Variants in SFMBT2 observed in about 807,000 individuals in gnomAD.
SFMBT2 encodes the protein scm-like with four MBT domains protein 2.
In SFMBT2, 38 loss-of-function variants were observed where a neutral mutation model predicts 110.1. The ratio of observed to expected loss-of-function variants is 0.35; its 90% CI spans 0.27 to 0.45. The LOEUF (loss-of-function observed/expected upper bound fraction) is 0.45. SFMBT2 is among the 20% of genes least tolerant of loss of function. The probability of loss-of-function intolerance (pLI) is 1.00; values close to 1 mark genes in which losing one functional copy is unlikely to be tolerated. For missense variants in SFMBT2, 1,011 were observed against 1,094.9 expected (o/e 0.92, Z 1.08); for synonymous variants, 425 against 425.4 (o/e 1.00, Z 0.01).
chr10:7,364,769 T>C (rs1370857889), intron 4 of SFMBT2, among the ~76,000 whole-genome samples: 2 of 152,248 alleles, frequency 1.3e-5, no homozygotes. Context: ...CTTCTCTTGA[T>C]GCCCCCAAGT....
intron 9 of SFMBT2, among the ~76,000 whole-genome samples, chr10:7,238,491 T>TA (rs1840330069): frequency 1.3e-5 from 2 of 152,188 alleles, no homozygotes; most frequent in African/African-American, 4.8e-5. Context: ...GAAACGTGAG[T>TA]GACAAAATGG....
In SFMBT2 at chr10:7,160,777, A is replaced by T. The variant is rs1346030728; in HGVS notation, c.*2993T>A. ...GGTGAGAGGTGAATCCTACAGAGAA[A>T]TGAAAACACATTACAATTCTGTACC... On this transcript the variant is annotated 3_prime_UTR_variant, in exon 21 of 21. Transcript: ENST00000397167. The T allele has an allele frequency of 6.6e-6, 1 of 152,222 alleles. No homozygotes were observed. The highest frequency in any genetic ancestry group is 1.5e-5 in the Non-Finnish European group (1 of 68,056). The allele number at this position is 152,222 out of a possible 1,614,324, so 9.4% of individuals were successfully genotyped here.
chr10:7,195,128 T>G (rs180762066), intron 15 of SFMBT2, among the ~76,000 whole-genome samples: 1 of 152,342 alleles, frequency 6.6e-6, no homozygotes, highest in East Asian at 1.9e-4. Context: ...ATTGCCCTAG[T>G]GGAAATCCAT....
rs970438841 is a variant in SFMBT2 at position 7,220,640 on chromosome 10, C to T, written c.1204-103G>A. The T allele has an allele frequency of 3.4e-6, 4 of 1,180,166 alleles. No homozygotes were observed. The African/African-American group carries it at 6.0e-5, about 18-fold the overall frequency. 73.1% of individuals were successfully genotyped at this position (1,180,166 alleles called of 1,614,324 possible). On this transcript the variant is annotated intron_variant, in intron 10 of 20. Transcript: ENST00000397167. ...AAATGCACGCACACGCATCTTACATCGACAAGACAGGCTCACGTATGTGTT... is the reference window on the plus strand; with the variant it reads ...AAATGCACGCACACGCATCTTACATTGACAAGACAGGCTCACGTATGTGTT...
At position 7,301,410 on chromosome 10, in the gene SFMBT2, C is replaced by A. The variant is rs2131881751; in HGVS notation, c.437-15456G>T. ...TCATCAAGTGAGGAATGAAGAAAGC[C>A]CGAACTCATGAGACAGCGGAGGAAA... On this transcript the variant is annotated intron_variant, in intron 4 of 20. Transcript: ENST00000397167. This position sits in a 1 kb window ranked among gnomAD's most constrained non-coding sequence, Gnocchi z 4.2. Among the ~76,000 whole-genome samples, 1 of 152,258 alleles carries A rather than the reference C, an allele frequency of 6.6e-6. No homozygotes were observed. The highest frequency in any genetic ancestry group is 6.5e-5 in the Admixed American group (1 of 15,282).
At chr10:7,251,338 G>A (rs1840803375) in intron 7 of SFMBT2, among the ~76,000 whole-genome samples, 1 of 152,118 alleles carries the variant, frequency 6.6e-6, no homozygotes, top group Admixed American at 6.5e-5. Context: ...GCTGAATGTG[G>A]TGGCAGAAGC....
rs1176613643 is a variant in SFMBT2, at chr10:7,285,890, T to C, written c.501A>G (p.Thr167=). Residue 167 remains threonine (T), a synonymous_variant, in exon 5 of 21, where the codon ACA becomes ACG. Transcript: ENST00000397167. ...CACCTTCCAGGAGGTTGGCGGGTGC[T>C]GTCCTCGAACCAGTCAAGTCACGTA... The part of the protein sequence containing the change: ...FLIRDLTGSR[T]APANLLEGPL... The C allele has an allele frequency of 1.1e-6, 1 of 872,720 alleles. No individual in the cohort carries two copies. Among genetic ancestry groups the C allele is most frequent in the Admixed American group, 1.7e-5 (1 of 59,200 alleles). 54.1% of individuals were successfully genotyped at this position (872,720 alleles called of 1,614,324 possible). A position where few individuals can be genotyped will look rare whatever the true frequency, so the allele number is the denominator to read the frequency against.
chr10:7,345,348 C>T (rs4748842), intron 4 of SFMBT2, among the ~76,000 whole-genome samples: 2,023 of 152,232 alleles, frequency 0.013, 15 homozygotes, highest in Middle Eastern at 0.024. Flanking sequence ...CTAATAACTA[C>T]AAAAATATTT....
rs142418359 is a variant in SFMBT2, at chr10:7,394,686, T to C, written c.-51-12737A>G. Reference sequence around the variant, plus strand: ...TCTATGTATTTATCACCAATTCAAATCCAAATTTTTCATAAACTGTCTAAA... The same window carrying C: ...TCTATGTATTTATCACCAATTCAAACCCAAATTTTTCATAAACTGTCTAAA... On this transcript the variant is annotated intron_variant, in intron 1 of 20. Coordinates refer to ENST00000397167, the MANE Select transcript of SFMBT2 (RefSeq NM_001387889.1). Among the ~76,000 whole-genome samples the C allele has an allele frequency of 2.1e-4, 32 of 152,168 alleles. No homozygotes were observed. In the East Asian group the frequency reaches 5.8e-3, roughly 28 times the overall value.
At chr10:7,184,204 G>C (rs1313151935) in intron 16 of SFMBT2, among the ~76,000 whole-genome samples, 1 of 152,148 alleles carries the variant, frequency 6.6e-6, no homozygotes, top group Non-Finnish European at 1.5e-5. Flanking sequence ...TGTTTTGGCT[G>C]TGTCCCCACC....
chr10:7,329,524 G>A lies in SFMBT2; in HGVS notation c.436+38125C>T, dbSNP rs150106654. 1.5e-3 allele frequency: 1,459 copies of A among 985,454 alleles called. 12 individuals carry two copies. The African/African-American group carries it at 0.022, about 15-fold the overall frequency. 61.0% of individuals were successfully genotyped at this position (985,454 alleles called of 1,614,324 possible). On this transcript the variant is annotated intron_variant, in intron 4 of 20. Transcript: ENST00000397167. ...GAGGGAGAGAGGAGGTGCTGCTGCT[G>A]CTGCAGGTACCTCTGCTGGGTCACA...
rs17333911 is a variant in SFMBT2, at chr10:7,255,252, T to C, written c.871-6603A>G. Among the ~76,000 whole-genome samples, 926 of 152,248 alleles carry C rather than the reference T, an allele frequency of 6.1e-3. 4 individuals carry two copies. Among genetic ancestry groups the C allele is most frequent in the Non-Finnish European group, 8.4e-3 (573 of 68,000 alleles). ...GCCAAACCGATTATGTACTAAGAGATAATGGAAAATTCACTGTCATTTGAA... is the reference window on the plus strand; with the variant it reads ...GCCAAACCGATTATGTACTAAGAGACAATGGAAAATTCACTGTCATTTGAA... On this transcript the variant is annotated intron_variant, in intron 7 of 20. Coordinates refer to ENST00000397167, the MANE Select transcript of SFMBT2 (RefSeq NM_001387889.1).
At chr10:7,278,111 TGCA>T (rs1841839714) in intron 6 of SFMBT2, among the ~76,000 whole-genome samples, 1 of 152,250 alleles carries the variant, frequency 6.6e-6, no homozygotes, top group South Asian at 2.1e-4. Flanking sequence ...TCTGCGTGTG[TGCA>T]TTGTCTATAA....
chr10:7,285,126 GT>G (rs1170932798), intron 5 of SFMBT2: 1 of 152,174 alleles, frequency 6.6e-6, no homozygotes, highest in Non-Finnish European at 1.5e-5. Flanking sequence ...TATTCATTAA[GT>G]TTTCCCCTTT....
chr10:7,365,865 GA>G (rs1844878137), intron 4 of SFMBT2, among the ~76,000 whole-genome samples: 1 of 152,156 alleles, frequency 6.6e-6, no homozygotes, highest in African/African-American at 2.4e-5. Context: ...GGTGATAAAA[GA>G]AATGTTCTGG....
At position 7,163,805 on chromosome 10, in the gene SFMBT2, C is replaced by G. The variant is rs200854532; in HGVS notation, c.2650G>C (p.Val884Leu). The G allele has an allele frequency of 9.3e-6, 15 of 1,614,232 alleles. No homozygotes were observed. In the East Asian group the frequency reaches 3.1e-4, roughly 34 times the overall value. ...AIKLCHQIERVKVAFYAQYAN is the reference protein window; with the variant it reads ...AIKLCHQIERLKVAFYAQYAN ...TACTGGGCGTAGAAAGCCACTTTGA[C>G]TCTCTCGATCTGGTGGCATAACTTG... is the stretch of plus-strand genomic sequence containing the variant. The change falls in exon 21 of 21, where the codon GTC (valine) becomes CTC (leucine). Residue 884 changes from valine to leucine, a missense_variant. By Grantham distance (32) the Val-to-Leu change is conservative. Around this residue, in one of 2 missense-constraint regions of SFMBT2, gnomAD observed 32 missense variants for 78.8 expected, o/e 0.41. Transcript: ENST00000397167. This position sits in a 1 kb window ranked among gnomAD's most constrained non-coding sequence, Gnocchi z 4.8.
At chr10:7,177,805 CTA>C (rs1459155512) in intron 16 of SFMBT2, among the ~76,000 whole-genome samples, 2 of 151,726 alleles carry the variant, frequency 1.3e-5, no homozygotes, top group Non-Finnish European at 2.9e-5. Flanking sequence ...CTGCAATAAG[CTA>C]TGATTGTACC....
chr10:7,202,448 C>T, intron 13 of SFMBT2, 32 bp downstream of exon 13: 7 of 1,612,782 alleles, frequency 4.3e-6, no homozygotes, highest in Non-Finnish European at 5.9e-6. Flanking sequence ...TATCGGTATA[C>T]AGTGTAGTCT....
intron 13 of SFMBT2, among the ~76,000 whole-genome samples, chr10:7,202,118 T>G (rs1422034022): frequency 7.9e-5 from 12 of 152,006 alleles, no homozygotes; most frequent in Non-Finnish European, 1.5e-5. Flanking sequence ...GCATTCTGAG[T>G]GTGGTGAGGG....
Sources: allele counts gnomAD v4.1 joint callset (sites outside exome capture counted in the v4.1 genomes callset), GRCh38; gene constraint gnomAD v4.1.1; regional missense constraint gnomAD v4.1.1; non-coding constraint Gnocchi (gnomAD v3.1); transcripts MANE v1.5; gene names NCBI Gene and HGNC (gene_info 2026-07-23, HGNC 2026-07-21).